The following RBFOX1 variants were observed in gnomAD, a reference collection of about 807,000 sequenced individuals.
The protein encoded by RBFOX1 is RNA binding fox-1 homolog 1.
In RBFOX1, 8 loss-of-function variants were observed where a neutral mutation model predicts 57.7. The ratio of observed to expected loss-of-function variants is 0.14; its 90% CI spans 0.08 to 0.25. The LOEUF is 0.25. RBFOX1 is among the 10% of genes least tolerant of loss of function. The pLI, the probability that RBFOX1 is intolerant of heterozygous loss-of-function variation, is 1.00. For synonymous variants in RBFOX1, 326 were observed against 222.4 expected (o/e 1.47, Z -4.15); for missense variants, 611 against 548.5 (o/e 1.11, Z -1.14).
intron 4 of RBFOX1, among the ~76,000 whole-genome samples, chr16:7,225,629 G>C (rs566778381): frequency 5.0e-4 from 76 of 151,866 alleles, no homozygotes; most frequent in African/African-American, 1.7e-3. Flanking sequence ...TAACTAAGCT[G>C]TGGTGGCAAT....
chr16:7,559,684 G>T (rs1397512432), intron 5 of RBFOX1, among the ~76,000 whole-genome samples: 1 of 152,214 alleles, frequency 6.6e-6, no homozygotes, highest in African/African-American at 2.4e-5. Context: ...CATGACTTGT[G>T]TCTACTGTGT....
At chr16:7,340,532 A>T (rs1210138756) in intron 4 of RBFOX1, among the ~76,000 whole-genome samples, 1 of 152,190 alleles carries the variant, frequency 6.6e-6, no homozygotes, top group Non-Finnish European at 1.5e-5. Context: ...TTTACAGACT[A>T]GTAAGTCACA....
intron 4 of RBFOX1, among the ~76,000 whole-genome samples, chr16:7,516,214 C>T (rs1239195304): frequency 6.6e-6 from 1 of 152,288 alleles, no homozygotes; most frequent in East Asian, 1.9e-4. Context: ...GGAAAGAGAA[C>T]TTCTTCCCCA....
chr16:7,556,890 A>G (rs1397091181), intron 5 of RBFOX1, among the ~76,000 whole-genome samples: 2 of 152,202 alleles, frequency 1.3e-5, no homozygotes, highest in Non-Finnish European at 2.9e-5. Context: ...GACTTAGTTT[A>G]AAATTACTAA....
chr16:7,314,912 A>T (rs1270495317), intron 4 of RBFOX1, among the ~76,000 whole-genome samples: 2 of 152,084 alleles, frequency 1.3e-5, no homozygotes, highest in Non-Finnish European at 1.5e-5. Context: ...GAGGACATTT[A>T]TTTTCCGGAT....
intron 3 of RBFOX1, among the ~76,000 whole-genome samples, chr16:5,667,059 C>T (rs1212859935): frequency 6.6e-6 from 1 of 152,194 alleles, no homozygotes; most frequent in South Asian, 2.1e-4. Flanking sequence ...GCCTGTTCTG[C>T]CGTCTACCTT....
intron 3 of RBFOX1, chr16:6,748,758 G>A (rs1212937277): frequency 2.6e-5 from 4 of 152,162 alleles, no homozygotes; most frequent in Non-Finnish European, 5.9e-5. Context: ...AGTTGGCTTA[G>A]ATGTATGATG....
chr16:6,478,419 ATATATATATATTTTTTTTTTTTTT>A lies in RBFOX1; in HGVS notation c.-64+161364_-64+161387del, dbSNP rs1176849276. On this transcript the variant is annotated intron_variant, in intron 2 of 15. Transcript: ENST00000550418. Reference sequence around the variant, plus strand: ...TATATATATATATATATATATATATATATATATATATTTTTTTTTTTTTTTTTTGTATTTTTAGTAGAGACAGGG... The same window carrying A: ...TATATATATATATATATATATATATATTTTGTATTTTTAGTAGAGACAGGG... Among the ~76,000 whole-genome samples the A allele has an allele frequency of 3.3e-3, 46 of 13,808 alleles. 2 individuals are homozygous for A. Among genetic ancestry groups the A allele is most frequent in the African/African-American group, 0.01 (43 of 4,100 alleles). The allele number at this position is 13,808 out of a possible 152,430, so 9.1% of individuals were successfully genotyped here. A position where few individuals can be genotyped will look rare whatever the true frequency, so the allele number is the denominator to read the frequency against.
intron 4 of RBFOX1, among the ~76,000 whole-genome samples, chr16:5,942,436 C>T (rs1029054635): frequency 6.6e-6 from 1 of 152,134 alleles, no homozygotes; most frequent in African/African-American, 2.4e-5. Context: ...AAATGCAAAA[C>T]TCTGAAAAGA....
intron 4 of RBFOX1, among the ~76,000 whole-genome samples, chr16:5,901,151 C>A (rs1317334899): frequency 6.6e-6 from 1 of 152,178 alleles, no homozygotes; most frequent in East Asian, 1.9e-4. Context: ...GCAGCCCAGT[C>A]ATGTTCGTCT....
At chr16:5,678,847 A>G (rs1333822925) in intron 3 of RBFOX1, among the ~76,000 whole-genome samples, 1 of 152,136 alleles carries the variant, frequency 6.6e-6, no homozygotes, top group Non-Finnish European at 1.5e-5. Flanking sequence ...CTCAATGCTC[A>G]CTCTTCTCAT....
At chr16:6,634,027 G>C (rs4786898) in intron 2 of RBFOX1, among the ~76,000 whole-genome samples, 85,656 of 151,760 alleles carry the variant, frequency 0.56, 25,895 homozygotes, top group South Asian at 0.8. Flanking sequence ...AAGAAATCCA[G>C]GCTTTGTGTA....
chr16:6,251,914 C>T (rs902719790), intron 1 of RBFOX1, among the ~76,000 whole-genome samples: 1 of 152,144 alleles, frequency 6.6e-6, no homozygotes, highest in Non-Finnish European at 1.5e-5. Flanking sequence ...TGTCTGCTTT[C>T]TCCTAAATTC....
chr16:6,800,720 C>G (rs1326113604), intron 3 of RBFOX1, among the ~76,000 whole-genome samples: 1 of 152,098 alleles, frequency 6.6e-6, no homozygotes, highest in Non-Finnish European at 1.5e-5. Flanking sequence ...CCTAAAAAGA[C>G]TCCTTTTATC....
At chr16:7,255,791 A>C (rs1240202785) in intron 4 of RBFOX1, among the ~76,000 whole-genome samples, 2 of 152,212 alleles carry the variant, frequency 1.3e-5, no homozygotes, top group African/African-American at 4.8e-5. Flanking sequence ...AATATATTTT[A>C]CATTTTTTTG....
intron 3 of RBFOX1, among the ~76,000 whole-genome samples, chr16:6,895,516 G>A (rs151100643): frequency 3.2e-5 from 4 of 126,470 alleles, no homozygotes; most frequent in African/African-American, 1.2e-4. Context: ...ACAAGCTGTC[G>A]ATTCCTCTCA....
chr16:5,525,284 G>A (rs748959730), intron 2 of RBFOX1, among the ~76,000 whole-genome samples: 10 of 152,042 alleles, frequency 6.6e-5, no homozygotes, highest in South Asian at 2.1e-4. Flanking sequence ...TAATAATCAC[G>A]CCTGACATTT....
At chr16:7,266,088 C>T (rs545280860) in intron 4 of RBFOX1, among the ~76,000 whole-genome samples, 1 of 150,906 alleles carries the variant, frequency 6.6e-6, no homozygotes, top group East Asian at 2.0e-4. Flanking sequence ...CATTCTCCTG[C>T]CTCAGCCTCC....
intron 1 of RBFOX1, among the ~76,000 whole-genome samples, chr16:6,206,119 A>G (rs544419430): frequency 2.4e-4 from 36 of 152,242 alleles, no homozygotes; most frequent in South Asian, 1.9e-3. Flanking sequence ...TTTAAGGCAC[A>G]GGTCAAATCT....
Sources: gnomAD v4.1 joint callset for allele counts (sites outside exome capture counted in the v4.1 genomes callset) on GRCh38, gnomAD v4.1.1 for gene constraint, MANE v1.5 for transcripts, NCBI Gene and HGNC (gene_info 2026-07-23, HGNC 2026-07-21) for gene names.